CIB1: variants seen among roughly 807,000 people sequenced by gnomAD.
CIB1 encodes the protein calcium and integrin-binding protein 1.
A neutral mutation model predicts 25.0 loss-of-function variants in CIB1; 19 were observed. That is an observed-to-expected ratio of 0.76 (90% CI 0.53 to 1.12). The LOEUF (loss-of-function observed/expected upper bound fraction) is 1.12. Ranked by LOEUF, CIB1 falls within the 50% of genes most tolerant of loss-of-function variation. CIB1 has a pLI of 0.00. For synonymous variants in CIB1, 104 were observed against 98.5 expected (o/e 1.06, Z -0.33); for missense variants, 236 against 242.6 (o/e 0.97, Z 0.18).
the CIB1 span, chr15:90,255,822 G>A: frequency 4.3e-5 from 69 of 1,614,088 alleles, no homozygotes; most frequent in Admixed American, 5.7e-4. Context: ...AACCTCAACC[G>A]CATGTACAAA....
chr15:90,234,035 G>A (rs8025979), upstream of CIB1: 330,783 of 897,370 alleles, frequency 0.37, 63,668 homozygotes, highest in Middle Eastern at 0.42. Context: ...AAAGCTGCCA[G>A]GCGTTCCCAG....
chr15:90,264,848 T>G, the CIB1 span: 1 of 1,536,036 alleles, frequency 6.5e-7, no homozygotes, highest in Non-Finnish European at 8.7e-7. Flanking sequence ...ATGGACTGAA[T>G]GCACCTTGCC....
chr15:90,264,839 T>G, the CIB1 span: 2,056 of 1,536,098 alleles, frequency 1.3e-3, 27 homozygotes, highest in African/African-American at 0.025. Flanking sequence ...ATCTGACTCA[T>G]GGACTGAATG....
the CIB1 span, chr15:90,244,349 C>T: frequency 1.3e-5 from 2 of 152,202 alleles, no homozygotes; most frequent in African/African-American, 4.8e-5. Flanking sequence ...GTTCCTCCGT[C>T]TGCATCTGAG....
At position 90,231,354 on chromosome 15, in the gene CIB1, C is replaced by T. The variant is rs772677858; in HGVS notation, c.346+3G>A. 9.9e-6 allele frequency: 16 copies of T among 1,613,610 alleles called. No homozygotes were observed. In the Admixed American group the frequency reaches 2.5e-4, roughly 25 times the overall value. Reference sequence around the variant, plus strand: ...GTCCTGCCGGGCTGCTCCTGGTTCTCACCAAAGATGCGGAAGGCATAATGG... The same window carrying T: ...GTCCTGCCGGGCTGCTCCTGGTTCTTACCAAAGATGCGGAAGGCATAATGG... On this transcript the variant is annotated splice_donor_region_variant and intron_variant, in intron 4 of 6. Transcript: ENST00000328649.
At chr15:90,252,217 TTA>T in the CIB1 span, among the ~76,000 whole-genome samples, 13 of 152,086 alleles carry the variant, frequency 8.5e-5, no homozygotes, top group Non-Finnish European at 1.5e-5. Context: ...TTTTGTACTT[TTA>T]GTAGACAGAG....
the CIB1 span, chr15:90,255,796 A>G: frequency 6.2e-7 from 1 of 1,614,036 alleles, no homozygotes; most frequent in African/African-American, 1.3e-5. Context: ...TCTGCCGCAA[A>G]GATCTGCTGG....
chr15:90,265,012 G>A, the CIB1 span: 2 of 1,497,682 alleles, frequency 1.3e-6, no homozygotes, highest in East Asian at 4.9e-5. Context: ...ACCTCCCCAG[G>A]TTTCCAAAGG....
the CIB1 span, among the ~76,000 whole-genome samples, chr15:90,249,244 A>C: frequency 6.7e-6 from 1 of 149,082 alleles, no homozygotes; most frequent in Admixed American, 6.7e-5. Context: ...AAAAGGGAGA[A>C]TTGAGGAGAG....
rs2073706 is a variant in CIB1, at chr15:90,230,550, C to T, written c.555-45G>A. On this transcript the variant is annotated intron_variant, in intron 6 of 6. Transcript: ENST00000328649. ...TGGGTTTTCTGCTGGAAGAGGAGGG[C>T]AGGGACTAAACCCGAACTTGCCCCC... The T allele has an allele frequency of 0.5, 776,431 of 1,548,520 alleles. 199,009 individuals carry two copies. Among genetic ancestry groups the T allele is most frequent in the East Asian group, 0.78 (31,891 of 40,894 alleles).
In CIB1 at chr15:90,233,707, G is replaced by A. The variant is rs763440909; in HGVS notation, c.52-4C>T. On this transcript the variant is annotated splice_region_variant and splice_polypyrimidine_tract_variant and intron_variant, in intron 1 of 6. Coordinates refer to ENST00000328649, the MANE Select transcript of CIB1 (RefSeq NM_006384.4). ...GCTTCGTCAGGAACGTCAAGTCCTGGAAGGCAAAGCCAGAGCGGGGATTAG... is the reference window on the plus strand; with the variant it reads ...GCTTCGTCAGGAACGTCAAGTCCTGAAAGGCAAAGCCAGAGCGGGGATTAG... The A allele has an allele frequency of 6.4e-7, 1 of 1,573,262 alleles. No individual in the cohort carries two copies. The highest frequency in any genetic ancestry group is 8.6e-7 in the Non-Finnish European group (1 of 1,159,010).
chr15:90,250,585 GAT>G, the CIB1 span: 15 of 1,590,658 alleles, frequency 9.4e-6, no homozygotes, highest in African/African-American at 2.0e-4. Context: ...TCTGAGGTCT[GAT>G]ATACACTTCA....
At chr15:90,248,585 C>T in the CIB1 span, among the ~76,000 whole-genome samples, 1 of 151,578 alleles carries the variant, frequency 6.6e-6, no homozygotes, top group Non-Finnish European at 1.5e-5. Context: ...CATGGTGGTG[C>T]GCACCTGTAG....
the CIB1 span, chr15:90,251,505 C>G: frequency 6.3e-5 from 98 of 1,546,024 alleles, no homozygotes; most frequent in Non-Finnish European, 7.7e-5. Flanking sequence ...ATCTGAGTAC[C>G]TGTCCTTCCC....
chr15:90,263,726 C>A, the CIB1 span: 1 of 668,500 alleles, frequency 1.5e-6, no homozygotes, highest in Non-Finnish European at 2.7e-6. Context: ...TAAGGGGCTG[C>A]TCTTCTCCTC....
At chr15:90,253,890 TAA>T in the CIB1 span, among the ~76,000 whole-genome samples, 1 of 152,172 alleles carries the variant, frequency 6.6e-6, no homozygotes, top group Non-Finnish European at 1.5e-5. Context: ...TAAAATAATT[TAA>T]AAGAGTCTGC....
At chr15:90,255,937 G>C in the CIB1 span, 1 of 1,612,040 alleles carries the variant, frequency 6.2e-7, no homozygotes, top group Non-Finnish European at 8.5e-7. Context: ...GAAAAGGGTC[G>C]CTCTCAGAGC....
chr15:90,258,645 G>A, the CIB1 span: 1 of 1,057,370 alleles, frequency 9.5e-7, no homozygotes, highest in South Asian at 1.4e-5. Context: ...TGAGGCCATG[G>A]GAGAGGAATA....
chr15:90,260,141 G>A, the CIB1 span, among the ~76,000 whole-genome samples: 1 of 152,162 alleles, frequency 6.6e-6, no homozygotes, highest in Admixed American at 6.6e-5. Context: ...AAAAATGGTT[G>A]AACAGTACTG....
Sources: gnomAD v4.1 joint callset for allele counts (sites outside exome capture counted in the v4.1 genomes callset) on GRCh38, gnomAD v4.1.1 for gene constraint, MANE v1.5 for transcripts, NCBI Gene and HGNC (gene_info 2026-07-23, HGNC 2026-07-21) for gene names.